The following CFAP97D2 variants were observed in gnomAD, a reference collection of about 807,000 sequenced individuals.
The protein encoded by CFAP97D2 is uncharacterized protein CFAP97D2.
chr13:114,215,078 A>C (rs2080987740), intron 4 of CFAP97D2, among the ~76,000 whole-genome samples: 1 of 152,212 alleles, frequency 6.6e-6, no homozygotes, highest in Non-Finnish European at 1.5e-5. Context: ...AAAGGTAAGC[A>C]CATTTAGATT....
In CFAP97D2 at chr13:114,212,119, T is replaced by C. The variant is rs1351600979; in HGVS notation, c.480+18T>C. ...GCAAAAAGGTACCCGCACCTTCTTT[T>C]TCATCTAAAATCCATAGCTATTTGA... On this transcript the variant is annotated intron_variant, in intron 4 of 4. Coordinates refer to ENST00000646158, the Ensembl canonical transcript of CFAP97D2. 5 of 398,516 alleles carry C rather than the reference T, an allele frequency of 1.3e-5. No homozygotes were observed. The East Asian group carries it at 1.8e-4, about 14-fold the overall frequency. 24.7% of individuals were successfully genotyped at this position (398,516 alleles called of 1,614,324 possible). A position where few individuals can be genotyped will look rare whatever the true frequency, so the allele number is the denominator to read the frequency against.
At chr13:114,216,000 C>T (rs1224979344) in intron 4 of CFAP97D2, among the ~76,000 whole-genome samples, 1 of 152,180 alleles carries the variant, frequency 6.6e-6, no homozygotes, top group African/African-American at 2.4e-5. Flanking sequence ...ATTTAACAAT[C>T]CCGCACATGT....
chr13:114,182,605 C>T (rs201269187), intron 1 of CFAP97D2, among the ~76,000 whole-genome samples: 2,128 of 152,192 alleles, frequency 0.014, 93 homozygotes, highest in Admixed American at 0.081. Flanking sequence ...GAGGTCCCTG[C>T]GGCTTTCTGC....
At chr13:114,205,392 TG>T (rs2080935153) in intron 3 of CFAP97D2, among the ~76,000 whole-genome samples, 1 of 152,230 alleles carries the variant, frequency 6.6e-6, no homozygotes, top group Admixed American at 6.5e-5. Context: ...AATTGATTTT[TG>T]TGTATTGATC....
At chr13:114,181,957 G>A (rs796869295) in intron 1 of CFAP97D2, among the ~76,000 whole-genome samples, 6 of 150,686 alleles carry the variant, frequency 4.0e-5, no homozygotes, top group African/African-American at 1.5e-4. Context: ...TTCTAGTCGG[G>A]TGGGACGAGA....
At chr13:114,188,889 A>G (rs1207853341) in intron 1 of CFAP97D2, among the ~76,000 whole-genome samples, 1 of 151,034 alleles carries the variant, frequency 6.6e-6, no homozygotes, top group Non-Finnish European at 1.5e-5. Context: ...AACTCGATAG[A>G]GAAAAATCAA....
intron 3 of CFAP97D2, among the ~76,000 whole-genome samples, chr13:114,205,079 C>A (rs958003346): frequency 1.3e-5 from 2 of 152,182 alleles, no homozygotes; most frequent in Non-Finnish European, 2.9e-5. Flanking sequence ...AGATACTTAG[C>A]ATCATTCATC....
At chr13:114,209,662 T>C (rs903919560) in intron 3 of CFAP97D2, among the ~76,000 whole-genome samples, 2 of 152,066 alleles carry the variant, frequency 1.3e-5, no homozygotes, top group Non-Finnish European at 2.9e-5. Flanking sequence ...TGTCTTCCTT[T>C]ACCACGGGCA....
At chr13:114,182,856 G>T (rs1301153939) in intron 1 of CFAP97D2, among the ~76,000 whole-genome samples, 1 of 152,158 alleles carries the variant, frequency 6.6e-6, no homozygotes, top group Admixed American at 6.6e-5. Context: ...CAAAGTACAG[G>T]TCTTTTTCAG....
chr13:114,204,511 A>T (rs1414659566), intron 3 of CFAP97D2, among the ~76,000 whole-genome samples: 1 of 152,230 alleles, frequency 6.6e-6, no homozygotes, highest in Non-Finnish European at 1.5e-5. Flanking sequence ...AGATAGACAT[A>T]TAAATCAATG....
At chr13:114,200,964 A>G (rs2080915481) in intron 3 of CFAP97D2, among the ~76,000 whole-genome samples, 1 of 152,226 alleles carries the variant, frequency 6.6e-6, no homozygotes, top group South Asian at 2.1e-4. Flanking sequence ...TCTTTCTGGA[A>G]AAAACACCGA....
intron 1 of CFAP97D2, among the ~76,000 whole-genome samples, chr13:114,180,920 G>A (rs1303366939): frequency 6.6e-6 from 1 of 152,240 alleles, no homozygotes; most frequent in East Asian, 1.9e-4. Flanking sequence ...TGTCGTCATG[G>A]GAGGTGCAGA....
intron 4 of CFAP97D2, among the ~76,000 whole-genome samples, chr13:114,214,582 T>TTTTGTTTGTTTGTTTGTTTGTTTG (rs10636230): frequency 6.6e-6 from 1 of 150,874 alleles, no homozygotes; most frequent in African/African-American, 2.4e-5. Context: ...ATATTTGAGG[T>TTTTGTTTGTTTGTTTGTTTGTTTG]TTTGTTTGTT....
chr13:114,211,724 T>C lies in CFAP97D2; in HGVS notation c.291-188T>C, dbSNP rs1174840028. On this transcript the variant is annotated intron_variant, in intron 3 of 4. Coordinates refer to ENST00000646158, the Ensembl canonical transcript of CFAP97D2. This position sits in a 1 kb window ranked among gnomAD's most constrained non-coding sequence, Gnocchi z 4.2. ...CGCCGGGGCTGAGTGTGCCCTTCGC[T>C]CCTCTCTGAGCCAGCAGCTCCCACT... Among the ~76,000 whole-genome samples the C allele has an allele frequency of 6.6e-6, 1 of 152,108 alleles. No individual in the cohort carries two copies. The highest frequency in any genetic ancestry group is 1.5e-5 in the Non-Finnish European group (1 of 68,024).
chr13:114,196,690 CA>C (rs1186737444), intron 2 of CFAP97D2, among the ~76,000 whole-genome samples: 6 of 152,118 alleles, frequency 3.9e-5, no homozygotes, highest in Non-Finnish European at 7.4e-5. Flanking sequence ...GACTATAAAC[CA>C]AAAATTATCT....
chr13:114,207,680 C>A lies in CFAP97D2; in HGVS notation c.291-4232C>A, dbSNP rs1044317428. ...CACCTCCTGCTGTTTGGCCTGGTTC[C>A]TAACAGGCCACAGACTGGTATGGGT... On this transcript the variant is annotated intron_variant, in intron 3 of 4. Transcript: ENST00000646158. This position sits in a 1 kb window ranked among gnomAD's most constrained non-coding sequence, Gnocchi z 4.9. Among the ~76,000 whole-genome samples the A allele has an allele frequency of 6.6e-6, 1 of 152,212 alleles. No homozygotes were observed. Among genetic ancestry groups the A allele is most frequent in the African/African-American group, 2.4e-5 (1 of 41,448 alleles).
At chr13:114,202,861 A>T (rs1337117271) in intron 3 of CFAP97D2, among the ~76,000 whole-genome samples, 2 of 152,064 alleles carry the variant, frequency 1.3e-5, no homozygotes, top group East Asian at 1.9e-4. Flanking sequence ...ATGCTGGGAG[A>T]GTCACGCCGA....
At position 114,184,027 on chromosome 13, in the gene CFAP97D2, C is replaced by T. The variant is rs185421511; in HGVS notation, c.90+4607C>T. 1.6e-4 allele frequency among the ~76,000 whole-genome samples: 24 copies of T among 152,008 alleles called. No individual in the cohort carries two copies. The East Asian group carries it at 3.1e-3, about 20-fold the overall frequency. ...TTAGCTGGGCATGGTAGTATATACACGTAATCCCAGCTACTTGGGAGGCTG... is the reference window on the plus strand; with the variant it reads ...TTAGCTGGGCATGGTAGTATATACATGTAATCCCAGCTACTTGGGAGGCTG... On this transcript the variant is annotated intron_variant, in intron 1 of 4. Transcript: ENST00000646158.
upstream of CFAP97D2, chr13:114,179,275 C>T (rs2080824450): frequency 1.0e-5 from 4 of 398,426 alleles, no homozygotes; most frequent in African/African-American, 4.1e-5. The surrounding 1 kb of genome is among the most constrained non-coding windows in gnomAD (Gnocchi z 4.8). Flanking sequence ...TCCAGGTCTG[C>T]ACCAGGCCCC....
Sources: allele counts gnomAD v4.1 joint callset (sites outside exome capture counted in the v4.1 genomes callset), GRCh38; gene constraint gnomAD v4.1.1; non-coding constraint Gnocchi (gnomAD v3.1); transcripts MANE v1.5; gene names NCBI Gene and HGNC (gene_info 2026-07-23, HGNC 2026-07-21).